Variants in ARID1A observed in about 807,000 individuals in gnomAD.
ARID1A encodes AT-rich interactive domain-containing protein 1A.
ARID1A carries 20 observed loss-of-function variants against 212.6 expected under a neutral mutation model. The ratio of observed to expected loss-of-function variants is 0.09; its 90% CI spans 0.07 to 0.14. ARID1A has a LOEUF of 0.14. ARID1A is among the 10% of genes least tolerant of loss of function. The pLI, the probability that ARID1A is intolerant of heterozygous loss-of-function variation, is 1.00. For missense variants in ARID1A, 2,587 were observed against 3,059.0 expected, an observed-to-expected ratio of 0.85 and a Z score of 3.64; for synonymous variants, 1,376 against 1,222.1, an observed-to-expected ratio of 1.13 and a Z score of -2.63.
intron 4 of ARID1A, among the ~76,000 whole-genome samples, chr1:26,758,368 C>T (rs1426071990): frequency 6.6e-6 from 1 of 152,066 alleles, no homozygotes; most frequent in Non-Finnish European, 1.5e-5. Context: ...GAGGATTGAG[C>T]CCAAGAGTTT....
At chr1:26,705,447 T>C (rs534486803) in intron 1 of ARID1A, among the ~76,000 whole-genome samples, 106 of 149,368 alleles carry the variant, frequency 7.1e-4, no homozygotes, top group African/African-American at 2.3e-3. Context: ...GCCTTTTTTT[T>C]TTTTCCCCCC....
chr1:26,760,575 G>C (rs2080981765), intron 4 of ARID1A, among the ~76,000 whole-genome samples: 1 of 152,036 alleles, frequency 6.6e-6, no homozygotes, highest in African/African-American at 2.4e-5. Context: ...TGTAATCCCA[G>C]CCACTCGGGA....
Position 26,696,733 on chromosome 1 carries a change from GC to G in ARID1A, c.333del (p.Ala112ProfsTer2). On this transcript the variant is annotated frameshift_variant, in exon 1 of 20. Transcript: ENST00000324856. LOFTEE classifies it high-confidence loss of function. ...KNSNGNAGPR[P>X]ALNNNLTEPP... Reference sequence around the variant, plus strand: ...ACTCGAACGGGAACGCGGGCCCTAGGCCCGCCCTGAACAATAACCTCACGGA... The same window carrying G: ...ACTCGAACGGGAACGCGGGCCCTAGGCCGCCCTGAACAATAACCTCACGGA... The G allele has an allele frequency of 7.3e-7, 1 of 1,376,458 alleles. No individual in the cohort carries two copies. 85.3% of individuals were successfully genotyped at this position (1,376,458 alleles called of 1,614,324 possible). A position where few individuals can be genotyped will look rare whatever the true frequency, so the allele number is the denominator to read the frequency against.
At chr1:26,736,763 G>A (rs1456555274) in intron 4 of ARID1A, among the ~76,000 whole-genome samples, 2 of 151,784 alleles carry the variant, frequency 1.3e-5, no homozygotes, top group African/African-American at 2.4e-5. Context: ...TTAGCCAGGC[G>A]TGGTGGTGCA....
intron 1 of ARID1A, among the ~76,000 whole-genome samples, chr1:26,697,857 G>A (rs1238000313): frequency 1.3e-5 from 2 of 151,540 alleles, no homozygotes; most frequent in Non-Finnish European, 3.0e-5. Flanking sequence ...GGGGTGAGGG[G>A]GTGAGGGGGC....
At chr1:26,763,801 T>G (rs1257193456) in intron 8 of ARID1A, among the ~76,000 whole-genome samples, 2 of 151,800 alleles carry the variant, frequency 1.3e-5, no homozygotes, top group Non-Finnish European at 2.9e-5. Context: ...TATTTTGGGG[T>G]CTTTTGAGAC....
Position 26,699,235 on chromosome 1 carries a change from G to A in ARID1A, c.1137+1695G>A, listed in dbSNP as rs138204360. ...TAGAATGACACTTAAGATTTGCTTA[G>A]AAATTGCAACTTCTGAGTACCTTGT... On this transcript the variant is annotated intron_variant, in intron 1 of 19. Transcript: ENST00000324856. Among the ~76,000 whole-genome samples the A allele has an allele frequency of 1.8e-3, 268 of 152,282 alleles. 1 individual carries two copies. Among genetic ancestry groups the A allele is most frequent in the Non-Finnish European group, 2.4e-3 (165 of 68,030 alleles).
Position 26,774,014 on chromosome 1 carries a change from C to T in ARID1A, c.4101+116C>T. On this transcript the variant is annotated intron_variant, in intron 17 of 19. Coordinates refer to ENST00000324856, the MANE Select transcript of ARID1A (RefSeq NM_006015.6). This position sits in a 1 kb window ranked among gnomAD's most constrained non-coding sequence, Gnocchi z 5.6. Reference sequence around the variant, plus strand: ...TCACTTTAGATATTTTGGCATTCTTCTCTCACCTGACTGGCCAGTCCTGCC... The same window carrying T: ...TCACTTTAGATATTTTGGCATTCTTTTCTCACCTGACTGGCCAGTCCTGCC... 2 of 1,357,478 alleles carry T rather than the reference C, an allele frequency of 1.5e-6. No homozygotes were observed. The highest frequency in any genetic ancestry group is 2.0e-6 in the Non-Finnish European group (2 of 977,186). The allele number at this position is 1,357,478 out of a possible 1,614,324, so 84.1% of individuals were successfully genotyped here. A position where few individuals can be genotyped will look rare whatever the true frequency, so the allele number is the denominator to read the frequency against.
Position 26,696,350 on chromosome 1 carries a change from G to A in ARID1A, c.-54G>A, listed in dbSNP as rs1472763387. 2.5e-6 allele frequency: 3 copies of A among 1,214,866 alleles called. No homozygotes were observed. Among genetic ancestry groups the A allele is most frequent in the Non-Finnish European group, 3.1e-6 (3 of 976,162 alleles). 75.3% of individuals were successfully genotyped at this position (1,214,866 alleles called of 1,614,324 possible). ...TGGGCCCCGGGGCGGGGTGGGAGGG[G>A]GGGAGAAGACGAAGACAGGGCCGGG... On this transcript the variant is annotated 5_prime_UTR_variant, in exon 1 of 20. Transcript: ENST00000324856.
intron 19 of ARID1A, among the ~76,000 whole-genome samples, chr1:26,776,677 TC>T (rs1365765805): frequency 6.6e-6 from 1 of 152,194 alleles, no homozygotes; most frequent in African/African-American, 2.4e-5. Context: ...CTACTCTTTT[TC>T]TTTTGATCAT....
chr1:26,756,560 T>C (rs1210419726), intron 4 of ARID1A, among the ~76,000 whole-genome samples: 2 of 136,346 alleles, frequency 1.5e-5, no homozygotes, highest in African/African-American at 5.2e-5. Flanking sequence ...AGACCCTGTC[T>C]CTTTAAAAAA....
At chr1:26,775,786 C>T (rs1417701597) in intron 19 of ARID1A, 79 bp downstream of exon 19, 2 of 1,595,324 alleles carry the variant, frequency 1.3e-6, no homozygotes, top group Non-Finnish European at 1.7e-6. Context: ...TCATCTTTAG[C>T]CACCTTGGTC....
At chr1:26,736,917 A>C (rs1337409334) in intron 4 of ARID1A, among the ~76,000 whole-genome samples, 2 of 151,048 alleles carry the variant, frequency 1.3e-5, no homozygotes, top group South Asian at 2.1e-4. Flanking sequence ...AAAAAAAAAA[A>C]AAAAACCCTG....
At chr1:26,755,222 G>A (rs751005606) in intron 4 of ARID1A, among the ~76,000 whole-genome samples, 2 of 152,206 alleles carry the variant, frequency 1.3e-5, no homozygotes, top group Non-Finnish European at 2.9e-5. Flanking sequence ...TTAAATGGTA[G>A]CTGTAGTTAA....
chr1:26,748,780 T>G (rs913314802), intron 4 of ARID1A, among the ~76,000 whole-genome samples: 6 of 152,018 alleles, frequency 3.9e-5, no homozygotes, highest in African/African-American at 1.4e-4. Flanking sequence ...TGATGGGGAC[T>G]GTGACAAACT....
chr1:26,719,458 A>G (rs1257101155), intron 1 of ARID1A, among the ~76,000 whole-genome samples: 1 of 152,218 alleles, frequency 6.6e-6, no homozygotes, highest in Non-Finnish European at 1.5e-5. Context: ...TCTGAATTCT[A>G]GAGACACTCT....
intron 4 of ARID1A, among the ~76,000 whole-genome samples, chr1:26,746,801 C>T (rs541740850): frequency 3.3e-4 from 50 of 152,324 alleles, no homozygotes; most frequent in African/African-American, 1.1e-3. Context: ...GTTTGGGAGG[C>T]CAAGGCGGGC....
Position 26,697,417 on chromosome 1 carries a change from G to T in ARID1A, c.1014G>T (p.Gly338=). The part of the protein sequence containing the change: ...GPADMASQCW[G]AAAAAAAAAA... ...CGGACATGGCCTCGCAGTGTTGGGG[G>T]GCTGCGGCGGCGGCAGCTGCGGCGG... Residue 338 remains glycine, a synonymous_variant, in exon 1 of 20, where the codon GGG becomes GGT. Coordinates refer to ENST00000324856, the MANE Select transcript of ARID1A (RefSeq NM_006015.6). 1 of 1,350,952 alleles carries T rather than the reference G, an allele frequency of 7.4e-7. No homozygotes were observed. The highest frequency in any genetic ancestry group is 9.4e-7 in the Non-Finnish European group (1 of 1,062,914). 83.7% of individuals were successfully genotyped at this position (1,350,952 alleles called of 1,614,324 possible).
intron 1 of ARID1A, among the ~76,000 whole-genome samples, chr1:26,720,249 GAAAA>G (rs540070510): frequency 8.3e-6 from 1 of 120,542 alleles, no homozygotes; most frequent in Non-Finnish European, 1.8e-5. Flanking sequence ...GCTCTGTCTC[GAAAA>G]AAAAAAAAAA....
Sources: gnomAD v4.1 joint callset for allele counts (sites outside exome capture counted in the v4.1 genomes callset) on GRCh38, gnomAD v4.1.1 for gene constraint, Gnocchi (gnomAD v3.1) non-coding constraint, MANE v1.5 for transcripts, NCBI Gene and HGNC (gene_info 2026-07-23, HGNC 2026-07-21) for gene names.